Variants in BAIAP2L1 observed in about 807,000 individuals in gnomAD.
BAIAP2L1 encodes the protein BAR/IMD domain-containing adapter protein 2-like 1.
A neutral mutation model predicts 66.3 loss-of-function variants in BAIAP2L1; 35 were observed. That is an observed-to-expected ratio of 0.53 (90% CI 0.40 to 0.70). The LOEUF is 0.70. Ranked by LOEUF, BAIAP2L1 falls within the 30% of genes least tolerant of loss-of-function variation. BAIAP2L1 has a pLI of 0.00. For missense variants in BAIAP2L1, 622 were observed against 656.9 expected (o/e 0.95, Z 0.58); for synonymous variants, 269 against 248.7 (o/e 1.08, Z -0.77).
intron 9 of BAIAP2L1, chr7:98,308,178 C>T (rs914705101): frequency 1.5e-5 from 9 of 583,282 alleles, no homozygotes; most frequent in East Asian, 1.2e-4. Flanking sequence ...CGGTGTGTGC[C>T]GGGTTGATCT....
chr7:98,298,505 C>G (rs930408995), intron 12 of BAIAP2L1, among the ~76,000 whole-genome samples: 1 of 151,772 alleles, frequency 6.6e-6, no homozygotes, highest in Non-Finnish European at 1.5e-5. Context: ...CCCAGCTACT[C>G]GGGAGGCTGA....
At chr7:98,308,446 C>A (rs1426390459) in intron 9 of BAIAP2L1, 1 of 370,546 alleles carries the variant, frequency 2.7e-6, no homozygotes, top group South Asian at 2.0e-5. Context: ...CAGTCACGAT[C>A]TCAATGTCTC....
intron 1 of BAIAP2L1, among the ~76,000 whole-genome samples, chr7:98,396,961 A>G (rs1029537115): frequency 5.3e-5 from 8 of 152,220 alleles, no homozygotes; most frequent in Admixed American, 5.2e-4. Flanking sequence ...TTCAACAAAT[A>G]TGCATGCCTA....
intron 2 of BAIAP2L1, among the ~76,000 whole-genome samples, chr7:98,357,049 ATTTTTTTTT>A (rs750965128): frequency 1.1e-3 from 14 of 12,614 alleles, no homozygotes; most frequent in African/African-American, 1.7e-3. Flanking sequence ...ATATATATAT[ATTTTTTTTT>A]TTTTTTTTTT....
rs12873 is a variant in BAIAP2L1 at position 98,293,461 on chromosome 7, T to C, written c.*60A>G. On this transcript the variant is annotated 3_prime_UTR_variant, in exon 14 of 14. Transcript: ENST00000005260. ...GACCGTCAGCACGTGGCAGACAGGA[T>C]GCGCCCATCATTCCGCAAGGGAGAA... 0.44 allele frequency: 652,799 copies of C among 1,479,458 alleles called. 151,916 individuals carry two copies. Among genetic ancestry groups the C allele is most frequent in the Middle Eastern group, 0.51 (2,140 of 4,194 alleles). 91.6% of individuals were successfully genotyped at this position (1,479,458 alleles called of 1,614,324 possible). A position where few individuals can be genotyped will look rare whatever the true frequency, so the allele number is the denominator to read the frequency against.
chr7:98,368,639 C>T (rs769518708), intron 1 of BAIAP2L1, among the ~76,000 whole-genome samples: 10 of 152,120 alleles, frequency 6.6e-5, no homozygotes, highest in South Asian at 2.1e-4. Flanking sequence ...TGCATTGAGT[C>T]GAGATCGCAC....
intron 1 of BAIAP2L1, among the ~76,000 whole-genome samples, chr7:98,393,094 T>C (rs1415027134): frequency 2.7e-5 from 3 of 109,470 alleles, no homozygotes; most frequent in Admixed American, 8.5e-5. Context: ...TATATACATA[T>C]ATACGTGTAC....
chr7:98,341,735 T>C (rs575444620), intron 3 of BAIAP2L1, among the ~76,000 whole-genome samples: 34 of 152,228 alleles, frequency 2.2e-4, no homozygotes, highest in South Asian at 1.0e-3. Context: ...GTCATGATGA[T>C]TATAGGAGTT....
intron 1 of BAIAP2L1, among the ~76,000 whole-genome samples, chr7:98,372,983 GGCC>G (rs1404679552): frequency 6.6e-6 from 1 of 152,128 alleles, no homozygotes; most frequent in Non-Finnish European, 1.5e-5. Flanking sequence ...CAGGTGATCT[GGCC>G]GCCTTGGCCT....
At chr7:98,354,793 C>G (rs1802082575) in intron 3 of BAIAP2L1, among the ~76,000 whole-genome samples, 1 of 152,172 alleles carries the variant, frequency 6.6e-6, no homozygotes, top group African/African-American at 2.4e-5. Flanking sequence ...CCCAGGCACC[C>G]AGGGCAAAAG....
chr7:98,352,928 CAT>C (rs1802031652), intron 3 of BAIAP2L1, among the ~76,000 whole-genome samples: 2 of 152,090 alleles, frequency 1.3e-5, no homozygotes, highest in African/African-American at 2.4e-5. Context: ...AAGGGTCACA[CAT>C]GTTTTCTTTC....
intron 1 of BAIAP2L1, among the ~76,000 whole-genome samples, chr7:98,389,632 AT>A (rs1259201443): frequency 6.6e-6 from 1 of 151,814 alleles, no homozygotes; most frequent in Non-Finnish European, 1.5e-5. Flanking sequence ...ATCATCTGAG[AT>A]TTCCCCCATA....
At chr7:98,400,667 GGA>G in intron 1 of BAIAP2L1, 133 bp downstream of exon 1, 2 of 1,002,690 alleles carry the variant, frequency 2.0e-6, no homozygotes, top group Non-Finnish European at 3.1e-6. Flanking sequence ...GGGAGGAGTG[GGA>G]GAGACCGGGA....
chr7:98,305,555 G>A (rs1397029003), intron 11 of BAIAP2L1, among the ~76,000 whole-genome samples: 1 of 152,146 alleles, frequency 6.6e-6, no homozygotes, highest in Non-Finnish European at 1.5e-5. Flanking sequence ...GAGTAGATGG[G>A]ACAATGGGCA....
chr7:98,396,751 G>T (rs1286749764), intron 1 of BAIAP2L1, among the ~76,000 whole-genome samples: 1 of 152,152 alleles, frequency 6.6e-6, no homozygotes, highest in Admixed American at 6.5e-5. Context: ...TTGCACCACT[G>T]CACTCCAGCC....
chr7:98,329,235 G>T (rs1360245987), intron 3 of BAIAP2L1, among the ~76,000 whole-genome samples: 2 of 152,180 alleles, frequency 1.3e-5, no homozygotes, highest in East Asian at 3.8e-4. Context: ...ATTCTGAGAC[G>T]CATGACAGGA....
intron 7 of BAIAP2L1, among the ~76,000 whole-genome samples, chr7:98,313,909 C>A (rs1387551428): frequency 2.6e-5 from 4 of 151,152 alleles, no homozygotes; most frequent in African/African-American, 7.3e-5. Flanking sequence ...GGATTATAGG[C>A]ATGAGCCACT....
chr7:98,344,890 C>T (rs1254601164), intron 3 of BAIAP2L1, among the ~76,000 whole-genome samples: 1 of 152,192 alleles, frequency 6.6e-6, no homozygotes, highest in East Asian at 1.9e-4. Context: ...GAGCTGAGAT[C>T]GCGCCATTGT....
chr7:98,327,175 A>G (rs1801395350), intron 3 of BAIAP2L1, among the ~76,000 whole-genome samples: 1 of 152,058 alleles, frequency 6.6e-6, no homozygotes, highest in African/African-American at 2.4e-5. Context: ...AACCTGGCCA[A>G]TATGATGAAA....
Sources: gnomAD v4.1 joint callset for allele counts (sites outside exome capture counted in the v4.1 genomes callset) on GRCh38, gnomAD v4.1.1 for gene constraint, MANE v1.5 for transcripts, NCBI Gene and HGNC (gene_info 2026-07-23, HGNC 2026-07-21) for gene names.